TRANK1: variants seen among roughly 807,000 people sequenced by gnomAD.
TRANK1 encodes the protein tetratricopeptide repeat and ankyrin repeat containing 1.
TRANK1 carries 198 observed loss-of-function variants against 266.0 expected under a neutral mutation model. The ratio of observed to expected loss-of-function variants is 0.74; its 90% CI spans 0.66 to 0.84. TRANK1 has a LOEUF of 0.84. TRANK1 is among the 40% of genes least tolerant of loss of function. The pLI is 0.00. For missense variants in TRANK1, 3,326 were observed against 3,634.6 expected (o/e 0.92, Z 2.18); for synonymous variants, 1,396 against 1,384.1 (o/e 1.01, Z -0.19).
At position 36,877,874 on chromosome 3, in the gene TRANK1, A is replaced by G. The variant is rs192597773; in HGVS notation, c.908-3578T>C. On this transcript the variant is annotated intron_variant, in intron 8 of 23. Coordinates refer to ENST00000645898, the MANE Select transcript of TRANK1 (RefSeq NM_001329998.2). Reference sequence around the variant, plus strand: ...ATCGTTCACCAGTATTTTAAATAATAAACAATATACAGTTGGATAACATTC... The same window carrying G: ...ATCGTTCACCAGTATTTTAAATAATGAACAATATACAGTTGGATAACATTC... Among the ~76,000 whole-genome samples the G allele has an allele frequency of 2.2e-4, 34 of 152,380 alleles. No homozygotes were observed. In the East Asian group the frequency reaches 5.4e-3, roughly 24 times the overall value.
intron 1 of TRANK1, among the ~76,000 whole-genome samples, chr3:36,918,127 C>A (rs1264836665): frequency 6.6e-6 from 1 of 152,116 alleles, no homozygotes; most frequent in Non-Finnish European, 1.5e-5. Flanking sequence ...TTCAGGGCAT[C>A]ATGCTAAGTG....
chr3:36,918,530 A>AGAAAGAAGGAAG (rs2080163979), intron 1 of TRANK1, among the ~76,000 whole-genome samples: 1 of 18,782 alleles, frequency 5.3e-5, no homozygotes, highest in Non-Finnish European at 1.0e-4. Flanking sequence ...AAAGAAAGAA[A>AGAAAGAAGGAAG]GAAGGAAGGA....
intron 1 of TRANK1, among the ~76,000 whole-genome samples, chr3:36,916,108 GC>G (rs2080120685): frequency 1.3e-5 from 2 of 152,198 alleles, no homozygotes; most frequent in Non-Finnish European, 2.9e-5. Context: ...GAAGGCACTA[GC>G]CACAACTGGC....
At chr3:36,931,333 A>G (rs2080357895) in intron 1 of TRANK1, among the ~76,000 whole-genome samples, 1 of 152,250 alleles carries the variant, frequency 6.6e-6, no homozygotes, top group South Asian at 2.1e-4. Context: ...ATATATTTGA[A>G]AAAGCAAATG....
intron 10 of TRANK1, among the ~76,000 whole-genome samples, chr3:36,862,976 G>A (rs1425268868): frequency 6.6e-6 from 1 of 151,854 alleles, no homozygotes; most frequent in Non-Finnish European, 1.5e-5. Flanking sequence ...GCTATAAATA[G>A]CCTACCCTAC....
At chr3:36,863,143 G>A (rs1439955530) in intron 10 of TRANK1, among the ~76,000 whole-genome samples, 1 of 151,972 alleles carries the variant, frequency 6.6e-6, no homozygotes, top group African/African-American at 2.4e-5. Flanking sequence ...GAGGAAAGGG[G>A]AAAGTAACCA....
chr3:36,879,626 AAAT>A, intron 8 of TRANK1, among the ~76,000 whole-genome samples: 1 of 115,772 alleles, frequency 8.6e-6, no homozygotes, highest in African/African-American at 3.9e-5. Flanking sequence ...AAATATATAT[AAAT>A]ATATATAAAT....
intron 20 of TRANK1, among the ~76,000 whole-genome samples, chr3:36,835,115 T>G (rs62245252): frequency 1.3e-5 from 2 of 151,230 alleles, no homozygotes; most frequent in Non-Finnish European, 2.9e-5. Flanking sequence ...GTCAGGAGAT[T>G]GAGACCATCC....
intron 3 of TRANK1, among the ~76,000 whole-genome samples, chr3:36,900,759 G>A (rs977717038): frequency 1.3e-5 from 2 of 149,120 alleles, no homozygotes; most frequent in African/African-American, 4.9e-5. Context: ...GTGCAAGCCT[G>A]TAGTCCCAGC....
chr3:36,868,814 C>T lies in TRANK1; in HGVS notation c.1079-4334G>A, dbSNP rs899400389. Among the ~76,000 whole-genome samples the T allele has an allele frequency of 3.9e-5, 6 of 152,304 alleles. No homozygotes were observed. The East Asian group carries it at 9.6e-4, about 24-fold the overall frequency. On this transcript the variant is annotated intron_variant, in intron 9 of 23. Coordinates refer to ENST00000645898, the MANE Select transcript of TRANK1 (RefSeq NM_001329998.2). ...ACCCTATGCCTGCATATACTGAAAA[C>T]AGGCACTGTCCTGGTGCTGAGCACA...
intron 17 of TRANK1, 134 bp from the exon 18 acceptor site, chr3:36,842,844 A>C: frequency 2.6e-6 from 2 of 773,044 alleles, no homozygotes; most frequent in Non-Finnish European, 2.2e-6. Flanking sequence ...GGTACCTCAG[A>C]ATGTGGCTGC....
rs1394536991 is a variant in TRANK1, at chr3:36,838,656, G to A, written c.5341C>T (p.His1781Tyr). Residue 1781 changes from histidine to tyrosine, a missense_variant, in exon 19 of 24, where the codon CAT (histidine) becomes TAT (tyrosine). Coordinates refer to ENST00000645898, the MANE Select transcript of TRANK1 (RefSeq NM_001329998.2). The part of the protein sequence containing the change: ...AFEKEKLALA[H>Y]DTALSMKSKK... The stretch of plus-strand genomic sequence containing the variant: ...GATTTCATGCTCAGGGCAGTGTCAT[G>A]GGCCAGGGCCAACTTCTCCTTCTCA... 1.4e-5 allele frequency: 23 copies of A among 1,613,912 alleles called. No homozygotes were observed. Among genetic ancestry groups the A allele is most frequent in the Non-Finnish European group, 1.9e-5 (23 of 1,179,874 alleles).
chr3:36,831,104 G>A lies in TRANK1; in HGVS notation c.8479C>T (p.His2827Tyr). ...TGGTAGGCCACTTGCTGCCTCTGGT[G>A]GTGTTCTAGATGGATATGCTGCTCG... is the stretch of plus-strand genomic sequence containing the variant. Reference protein sequence around the residue: ...SYEQHIHLEHHQRQQVAYQKY... With the variant: ...SYEQHIHLEHYQRQQVAYQKY... Residue 2827 changes from histidine (H) to tyrosine (Y), a missense_variant, in exon 22 of 24, where the codon CAC becomes TAC. By Grantham distance (83) the His-to-Tyr change is moderately conservative. Transcript: ENST00000645898. This position sits in a 1 kb window ranked among gnomAD's most constrained non-coding sequence, Gnocchi z 5.0. 1 of 1,613,916 alleles carries A rather than the reference G, an allele frequency of 6.2e-7. No homozygotes were observed. The highest frequency in any genetic ancestry group is 8.5e-7 in the Non-Finnish European group (1 of 1,179,890).
intron 1 of TRANK1, among the ~76,000 whole-genome samples, chr3:36,914,878 TCCACCTGCC>T (rs2080103858): frequency 6.6e-6 from 1 of 152,118 alleles, no homozygotes; most frequent in South Asian, 2.1e-4. Flanking sequence ...CTTCAGGTGA[TCCACCTGCC>T]TCAGCCTCCC....
intron 1 of TRANK1, among the ~76,000 whole-genome samples, chr3:36,919,780 A>C (rs2080189233): frequency 6.6e-6 from 1 of 152,178 alleles, no homozygotes; most frequent in Non-Finnish European, 1.5e-5. Flanking sequence ...GCGCACTATC[A>C]GTCTTTTTAA....
At chr3:36,849,954 G>C (rs562490672) in intron 15 of TRANK1, 2 of 898,700 alleles carry the variant, frequency 2.2e-6, no homozygotes, top group South Asian at 1.0e-4. Context: ...AACTCCCTGA[G>C]CCATTGGTGG....
At chr3:36,869,261 G>C (rs141329837) in intron 9 of TRANK1, among the ~76,000 whole-genome samples, 17 of 152,290 alleles carry the variant, frequency 1.1e-4, no homozygotes, top group Non-Finnish European at 2.4e-4. Context: ...AGAAACACTG[G>C]TTTAGAGAAC....
rs1265271618 is a variant in TRANK1, at chr3:36,858,706, A to G, written c.1672+12T>C. On this transcript the variant is annotated intron_variant, in intron 12 of 23. Coordinates refer to ENST00000645898, the MANE Select transcript of TRANK1 (RefSeq NM_001329998.2). ...CCTCAAGGAGACGGCTGCTTAAAAA[A>G]CAAGGGCTTACCTTTAATCTCTAGA... 6 of 1,488,980 alleles carry G rather than the reference A, an allele frequency of 4.0e-6. No homozygotes were observed. In the East Asian group the frequency reaches 1.5e-4, roughly 37 times the overall value. The allele number at this position is 1,488,980 out of a possible 1,614,324, so 92.2% of individuals were successfully genotyped here.
At chr3:36,908,791 A>G (rs1013131470) in intron 1 of TRANK1, among the ~76,000 whole-genome samples, 1 of 152,078 alleles carries the variant, frequency 6.6e-6, no homozygotes, top group Non-Finnish European at 1.5e-5. Context: ...TATTAATCTC[A>G]TTTACCCATC....
Sources: gnomAD v4.1 joint callset for allele counts (sites outside exome capture counted in the v4.1 genomes callset) on GRCh38, gnomAD v4.1.1 for gene constraint, Gnocchi (gnomAD v3.1) non-coding constraint, MANE v1.5 for transcripts, NCBI Gene and HGNC (gene_info 2026-07-23, HGNC 2026-07-21) for gene names.